TBX20: variants seen among roughly 807,000 people sequenced by gnomAD.
The protein encoded by TBX20 is T-box transcription factor 20, also known as T-box transcription factor TBX20.
Under a neutral mutation model 42.9 loss-of-function variants are expected in TBX20, and 8 were observed. The ratio of observed to expected loss-of-function variants is 0.19; its 90% confidence interval spans 0.11 to 0.34. The LOEUF (loss-of-function observed/expected upper bound fraction) is 0.34. Ranked by LOEUF, TBX20 falls within the 10% of genes least tolerant of loss-of-function variation. The pLI is 1.00. For synonymous variants in TBX20, 198 were observed against 222.8 expected, an observed-to-expected ratio of 0.89 and a Z score of 0.99; for missense variants, 411 against 566.0, an observed-to-expected ratio of 0.73 and a Z score of 2.78.
At chr7:35,230,544 GGGAAGGCTTA>G (rs1445456996) in intron 6 of TBX20, among the ~76,000 whole-genome samples, 1 of 152,016 alleles carries the variant, frequency 6.6e-6, no homozygotes, top group Non-Finnish European at 1.5e-5. Flanking sequence ...TCTGCCATTT[GGGAAGGCTTA>G]GGAAGGCTGA....
chr7:35,215,746 T>C (rs1382706216), intron 6 of TBX20, among the ~76,000 whole-genome samples: 1 of 152,278 alleles, frequency 6.6e-6, no homozygotes, highest in East Asian at 1.9e-4. Context: ...TAACCATCAA[T>C]TTCAGAAATG....
intron 4 of TBX20, among the ~76,000 whole-genome samples, chr7:35,244,305 A>G (rs1790139010): frequency 6.6e-6 from 1 of 152,350 alleles, no homozygotes; most frequent in South Asian, 2.1e-4. Flanking sequence ...ACTGATAAGA[A>G]CACAGAGTTA....
intron 5 of TBX20, among the ~76,000 whole-genome samples, chr7:35,238,082 G>A (rs1328775883): frequency 6.6e-6 from 1 of 152,102 alleles, no homozygotes; most frequent in Non-Finnish European, 1.5e-5. Context: ...TATTTAACTA[G>A]TGCCTCAATT....
At chr7:35,233,648 A>G (rs1286669714) in intron 5 of TBX20, among the ~76,000 whole-genome samples, 1 of 152,224 alleles carries the variant, frequency 6.6e-6, no homozygotes, top group Non-Finnish European at 1.5e-5. Context: ...GTTTGAAATA[A>G]ATTATAAACA....
chr7:35,232,202 C>T (rs1196402700), intron 5 of TBX20, among the ~76,000 whole-genome samples: 1 of 152,072 alleles, frequency 6.6e-6, no homozygotes, highest in Non-Finnish European at 1.5e-5. Flanking sequence ...TTTTGTTATC[C>T]CTCCATGAAA....
intron 6 of TBX20, among the ~76,000 whole-genome samples, chr7:35,225,525 G>A (rs906348743): frequency 6.6e-5 from 10 of 152,128 alleles, no homozygotes; most frequent in African/African-American, 2.4e-4. Flanking sequence ...TATTGTATCA[G>A]ACAGAGCAGC....
chr7:35,233,440 A>C (rs62464699), intron 5 of TBX20, among the ~76,000 whole-genome samples: 19,777 of 152,276 alleles, frequency 0.13, 1,454 homozygotes, highest in Middle Eastern at 0.28. Flanking sequence ...AATAAACTAC[A>C]TAAATCAGAA....
At position 35,235,405 on chromosome 7, in the gene TBX20, T is replaced by C. The variant is rs115301856; in HGVS notation, c.814-3825A>G. 9.2e-3 allele frequency among the ~76,000 whole-genome samples: 1,406 copies of C among 152,016 alleles called. 18 individuals are homozygous for C. Among genetic ancestry groups the C allele is most frequent in the African/African-American group, 0.032 (1,336 of 41,492 alleles). Reference sequence around the variant, plus strand: ...CCGAATAGAGGATGCCTGCAGCTTGTAATGTTGTTGAACAAATCACGTTTA... The same window carrying C: ...CCGAATAGAGGATGCCTGCAGCTTGCAATGTTGTTGAACAAATCACGTTTA... On this transcript the variant is annotated intron_variant, in intron 5 of 7. Transcript: ENST00000408931.
chr7:35,216,559 T>C (rs1434567579), intron 6 of TBX20, among the ~76,000 whole-genome samples: 1 of 152,156 alleles, frequency 6.6e-6, no homozygotes, highest in South Asian at 2.1e-4. Context: ...TGTTTATAGA[T>C]AACAAAATTA....
chr7:35,202,750 C>G lies in TBX20; in HGVS notation c.1024G>C (p.Asp342His). ...PNRGSAFTTS[D>H]NLSLSSWVSS... is the part of the protein sequence containing the mutation. ...ACCCAGGAGCTGAGAGACAAATTAT[C>G]AGATGTTGTAAAGGCTGACCCTGTA... Residue 342 changes from aspartate to histidine, a missense_variant, in exon 8 of 8, where the codon GAT (aspartate) becomes CAT (histidine). Coordinates refer to ENST00000408931, the MANE Select transcript of TBX20 (RefSeq NM_001077653.2). 4 of 1,559,906 alleles carry G rather than the reference C, an allele frequency of 2.6e-6. No individual in the cohort carries two copies. Among genetic ancestry groups the G allele is most frequent in the Non-Finnish European group, 3.5e-6 (4 of 1,152,150 alleles).
intron 6 of TBX20, among the ~76,000 whole-genome samples, chr7:35,213,591 T>C (rs1789532675): frequency 6.6e-6 from 1 of 152,164 alleles, no homozygotes; most frequent in African/African-American, 2.4e-5. Context: ...CCCATTATAA[T>C]GAGTTGGTTA....
intron 6 of TBX20, among the ~76,000 whole-genome samples, chr7:35,209,052 C>A (rs931680012): frequency 2.0e-5 from 3 of 152,146 alleles, no homozygotes; most frequent in African/African-American, 4.8e-5. Context: ...ATCGACCTTG[C>A]AGTCCTGAAC....
rs1215522044 is a variant in TBX20, at chr7:35,248,735, C to T, written c.487G>A (p.Ala163Thr). The T allele has an allele frequency of 3.7e-6, 6 of 1,613,988 alleles. No homozygotes were observed. The highest frequency in any genetic ancestry group is 1.7e-5 in the Admixed American group (1 of 60,002). ...ACCAGCCAGGAGGACCGGTGGTAGG[C>T]GTAGCGGTACCTCTTGTTGTCCACA... ...VPVDNKRYRY[A>T]YHRSSWLVAG... Residue 163 changes from alanine to threonine, a missense_variant, in exon 3 of 8, where the codon GCC (alanine) becomes ACC (threonine). Physicochemically the swap from Ala to Thr is moderately conservative, Grantham distance 58. This residue lies in a region of TBX20 where 121 missense variants were observed against 165.9 expected (regional missense o/e 0.73). Coordinates refer to ENST00000408931, the MANE Select transcript of TBX20 (RefSeq NM_001077653.2).
At chr7:35,240,040 G>A (rs1833126) in intron 5 of TBX20, among the ~76,000 whole-genome samples, 55,258 of 151,806 alleles carry the variant, frequency 0.36, 10,356 homozygotes, top group Admixed American at 0.46. Flanking sequence ...ATGTGCCACC[G>A]CACCTGGCCA....
At chr7:35,215,447 G>A (rs1204346081) in intron 6 of TBX20, among the ~76,000 whole-genome samples, 3 of 152,142 alleles carry the variant, frequency 2.0e-5, no homozygotes, top group African/African-American at 7.2e-5. Context: ...CCCACTGTGA[G>A]AATTTCTAAA....
chr7:35,212,167 A>G (rs933749406), intron 6 of TBX20, among the ~76,000 whole-genome samples: 62 of 152,258 alleles, frequency 4.1e-4, no homozygotes, highest in Admixed American at 1.5e-3. Context: ...TATATCTTCA[A>G]GTTCACTAAT....
At position 35,249,002 on chromosome 7, in the gene TBX20, G is replaced by C. The variant is rs951456368; in HGVS notation, c.381-161C>G. Among the ~76,000 whole-genome samples the C allele has an allele frequency of 1.1e-4, 16 of 148,532 alleles. No homozygotes were observed. Among genetic ancestry groups the C allele is most frequent in the African/African-American group, 3.9e-4 (16 of 40,550 alleles). ...CTTTTGTTTTGTTTAAAGCCTCAGA[G>C]AAGTGAATACAGAGACAGGGTTTTC... On this transcript the variant is annotated intron_variant, in intron 2 of 7. Transcript: ENST00000408931. The surrounding 1 kb of genome is among the most constrained non-coding windows in gnomAD (Gnocchi z 4.3).
intron 6 of TBX20, among the ~76,000 whole-genome samples, chr7:35,230,441 T>C (rs999661728): frequency 2.6e-5 from 4 of 152,118 alleles, no homozygotes; most frequent in African/African-American, 9.7e-5. Context: ...AATCCCATAG[T>C]TCCTGGCCAA....
chr7:35,239,902 C>A (rs1210393320), intron 5 of TBX20, among the ~76,000 whole-genome samples: 1 of 152,026 alleles, frequency 6.6e-6, no homozygotes, highest in Non-Finnish European at 1.5e-5. Context: ...CAGGCACCTG[C>A]CACCAGGCCC....
Sources: gnomAD v4.1 joint callset for allele counts (sites outside exome capture counted in the v4.1 genomes callset) on GRCh38, gnomAD v4.1.1 for gene constraint, gnomAD v4.1.1 regional missense constraint, Gnocchi (gnomAD v3.1) non-coding constraint, MANE v1.5 for transcripts, NCBI Gene and HGNC (gene_info 2026-07-23, HGNC 2026-07-21) for gene names.